Variants in GNA14 observed in about 807,000 individuals in gnomAD.
GNA14 encodes guanine nucleotide-binding protein subunit alpha-14.
A neutral mutation model predicts 42.0 loss-of-function variants in GNA14; 50 were observed. The observed-to-expected ratio is 1.19, with a 90% CI of 0.95 to 1.51. GNA14 has a LOEUF of 1.51. GNA14 is among the 40% of genes most tolerant of loss of function. The pLI, the probability that GNA14 is intolerant of heterozygous loss-of-function variation, is 0.00. For missense variants in GNA14, 473 were observed against 446.2 expected, an observed-to-expected ratio of 1.06 and a Z score of -0.54; for synonymous variants, 173 against 163.1, an observed-to-expected ratio of 1.06 and a Z score of -0.46.
intron 2 of GNA14, among the ~76,000 whole-genome samples, chr9:77,508,243 C>T (rs1027945832): frequency 1.3e-4 from 20 of 152,078 alleles, no homozygotes; most frequent in Non-Finnish European, 2.5e-4. Flanking sequence ...TGCTAAGTGT[C>T]GGAAAAAGTA....
At chr9:77,630,082 G>A (rs1191902814) in intron 1 of GNA14, among the ~76,000 whole-genome samples, 1 of 150,424 alleles carries the variant, frequency 6.6e-6, no homozygotes, top group African/African-American at 2.5e-5. Context: ...TTAGAATTAA[G>A]AGAGTATGGT....
At chr9:77,504,854 G>C (rs916285248) in intron 2 of GNA14, among the ~76,000 whole-genome samples, 3 of 151,796 alleles carry the variant, frequency 2.0e-5, no homozygotes, top group African/African-American at 7.3e-5. Flanking sequence ...TTTTAGTAGA[G>C]ACGGGGTTTC....
At chr9:77,435,495 C>T (rs903911316) in intron 2 of GNA14, among the ~76,000 whole-genome samples, 2 of 152,278 alleles carry the variant, frequency 1.3e-5, no homozygotes, top group Admixed American at 6.5e-5. Context: ...ACAACTCTTT[C>T]CCACTGGGAG....
At chr9:77,593,002 C>T (rs1055430706) in intron 1 of GNA14, among the ~76,000 whole-genome samples, 3 of 151,844 alleles carry the variant, frequency 2.0e-5, no homozygotes, top group Non-Finnish European at 4.4e-5. Context: ...ATCAATTATT[C>T]CTAGAAAAAG....
intron 1 of GNA14, among the ~76,000 whole-genome samples, chr9:77,567,727 C>T (rs927686428): frequency 2.6e-5 from 4 of 152,028 alleles, no homozygotes; most frequent in Non-Finnish European, 4.4e-5. Context: ...ATTAGCCAGG[C>T]GTGGTGGTGC....
At chr9:77,448,301 G>A (rs7047480) in intron 2 of GNA14, among the ~76,000 whole-genome samples, 1,752 of 152,332 alleles carry the variant, frequency 0.012, 36 homozygotes, top group African/African-American at 0.04. Context: ...TCTGACTTAC[G>A]ATGGTGTGAA....
chr9:77,558,934 AAAAAAAC>A (rs1448253997), intron 1 of GNA14, among the ~76,000 whole-genome samples: 8 of 151,954 alleles, frequency 5.3e-5, no homozygotes, highest in Middle Eastern at 3.4e-3. Context: ...AAAAACAAAA[AAAAAAAC>A]AAAAAACAAA....
chr9:77,520,593 T>A (rs1296326290), intron 2 of GNA14, among the ~76,000 whole-genome samples: 1 of 152,094 alleles, frequency 6.6e-6, no homozygotes, highest in Non-Finnish European at 1.5e-5. Flanking sequence ...TGAGATGGAG[T>A]CTTGCTCTGT....
intron 1 of GNA14, among the ~76,000 whole-genome samples, chr9:77,550,155 T>C (rs1017756631): frequency 3.3e-5 from 5 of 152,146 alleles, no homozygotes; most frequent in Admixed American, 1.3e-4. Flanking sequence ...GTCTGTGCCC[T>C]GCAAATGTAC....
intron 1 of GNA14, among the ~76,000 whole-genome samples, chr9:77,628,896 A>T (rs1824053738): frequency 6.6e-6 from 1 of 152,346 alleles, no homozygotes; most frequent in African/African-American, 2.4e-5. Context: ...ATGGGATCAA[A>T]TTAAACTAAA....
intron 2 of GNA14, among the ~76,000 whole-genome samples, chr9:77,525,936 T>C (rs1837430059): frequency 1.4e-5 from 2 of 146,782 alleles, no homozygotes; most frequent in African/African-American, 2.5e-5. Context: ...GGAGTTTCAC[T>C]TTGTCCCCTG....
intron 2 of GNA14, among the ~76,000 whole-genome samples, chr9:77,515,960 CAAAA>C (rs1158448237): frequency 6.8e-4 from 36 of 52,736 alleles, no homozygotes; most frequent in East Asian, 1.8e-3. Context: ...CCCTGTCTCA[CAAAA>C]AAAAAAAAAA....
At chr9:77,546,458 A>G (rs184711875) in intron 1 of GNA14, among the ~76,000 whole-genome samples, 1 of 152,018 alleles carries the variant, frequency 6.6e-6, no homozygotes, top group African/African-American at 2.4e-5. Flanking sequence ...AAAGAGAAAA[A>G]TTTCTTTTCT....
rs1824385652 is a variant in GNA14 at position 77,647,853 on chromosome 9, C to T, written c.-60G>A. 3.8e-6 allele frequency: 6 copies of T among 1,562,922 alleles called. No individual in the cohort carries two copies. Among genetic ancestry groups the T allele is most frequent in the Non-Finnish European group, 4.3e-6 (5 of 1,159,452 alleles). Reference sequence around the variant, plus strand: ...GGCCCCGGGCACCCGAATCCTCGGCCCGGCCGCTCACCCGGCCAGCATGCG... The same window carrying T: ...GGCCCCGGGCACCCGAATCCTCGGCTCGGCCGCTCACCCGGCCAGCATGCG... On this transcript the variant is annotated 5_prime_UTR_variant, in exon 1 of 7. Coordinates refer to ENST00000341700, the MANE Select transcript of GNA14 (RefSeq NM_004297.4).
chr9:77,602,337 C>T (rs1823579979), intron 1 of GNA14, among the ~76,000 whole-genome samples: 1 of 152,292 alleles, frequency 6.6e-6, no homozygotes, highest in South Asian at 2.1e-4. Context: ...TTTCCCAAGA[C>T]GAACAAAACA....
chr9:77,498,389 G>GA (rs763098068), intron 2 of GNA14, among the ~76,000 whole-genome samples: 3 of 122,030 alleles, frequency 2.5e-5, no homozygotes, highest in African/African-American at 9.5e-5. Context: ...AAAAAAAAAA[G>GA]AAAAAAAAGA....
intron 2 of GNA14, among the ~76,000 whole-genome samples, chr9:77,486,426 C>A (rs1200564569): frequency 6.6e-6 from 1 of 152,214 alleles, no homozygotes; most frequent in Non-Finnish European, 1.5e-5. Context: ...TCCATATCAG[C>A]AATAAGTCTA....
At chr9:77,590,214 G>A (rs894504629) in intron 1 of GNA14, among the ~76,000 whole-genome samples, 7 of 152,096 alleles carry the variant, frequency 4.6e-5, no homozygotes, top group Non-Finnish European at 1.0e-4. Flanking sequence ...ACCGCACCCG[G>A]CCCCAAGTCA....
At chr9:77,590,494 T>C (rs1253132217) in intron 1 of GNA14, among the ~76,000 whole-genome samples, 2 of 152,214 alleles carry the variant, frequency 1.3e-5, no homozygotes, top group Non-Finnish European at 2.9e-5. Context: ...TGGCATGGCA[T>C]GGCTACCAGG....
Sources: gnomAD v4.1 joint callset for allele counts (sites outside exome capture counted in the v4.1 genomes callset) on GRCh38, gnomAD v4.1.1 for gene constraint, MANE v1.5 for transcripts, NCBI Gene and HGNC (gene_info 2026-07-23, HGNC 2026-07-21) for gene names.